The following DLGAP1 variants were observed in gnomAD, a reference collection of about 807,000 sequenced individuals.
The protein encoded by DLGAP1 is DLG associated protein 1.
Under a neutral mutation model 90.8 loss-of-function variants are expected in DLGAP1, and 11 were observed. That is an observed-to-expected ratio of 0.12 (90% CI 0.08 to 0.20). The LOEUF (loss-of-function observed/expected upper bound fraction) is 0.20. DLGAP1 is among the 10% of genes least tolerant of loss of function. DLGAP1 has a pLI of 1.00. For synonymous variants in DLGAP1, 558 were observed against 540.7 expected (o/e 1.03, Z -0.44); for missense variants, 1,050 against 1,333.8 (o/e 0.79, Z 3.31).
chr18:4,166,407 A>G (rs2076934111), intron 1 of DLGAP1, among the ~76,000 whole-genome samples: 1 of 152,148 alleles, frequency 6.6e-6, no homozygotes, highest in Non-Finnish European at 1.5e-5. Flanking sequence ...AGAAATTGGA[A>G]CCTTTGTGCA....
intron 3 of DLGAP1, among the ~76,000 whole-genome samples, chr18:3,922,107 T>C (rs377291254): frequency 5.3e-5 from 8 of 152,250 alleles, no homozygotes; most frequent in African/African-American, 1.9e-4. Context: ...CAGTAGCAAA[T>C]GCCACAAATA....
intron 1 of DLGAP1, among the ~76,000 whole-genome samples, chr18:4,277,637 T>C (rs960225616): frequency 3.3e-5 from 5 of 152,220 alleles, no homozygotes; most frequent in Admixed American, 1.3e-4. Flanking sequence ...CATTATGAAA[T>C]TGCACTTGTT....
intron 1 of DLGAP1, among the ~76,000 whole-genome samples, chr18:4,218,826 TACACACACAC>T (rs58376566): frequency 6.9e-6 from 1 of 145,730 alleles, no homozygotes; most frequent in Admixed American, 6.9e-5. Context: ...TATACATACA[TACACACACAC>T]ACACACACAC....
intron 5 of DLGAP1, among the ~76,000 whole-genome samples, chr18:3,755,234 G>C (rs1323206552): frequency 1.3e-5 from 2 of 151,948 alleles, no homozygotes; most frequent in Admixed American, 1.3e-4. Context: ...AGGCAACAAA[G>C]AGACACAGAC....
intron 1 of DLGAP1, among the ~76,000 whole-genome samples, chr18:4,225,856 G>C (rs1202312740): frequency 2.0e-5 from 3 of 151,762 alleles, no homozygotes; most frequent in Non-Finnish European, 4.4e-5. Context: ...AAAAAGGACA[G>C]AGAGAGAGAG....
intron 3 of DLGAP1, among the ~76,000 whole-genome samples, chr18:3,966,277 G>A (rs1445669027): frequency 1.3e-5 from 2 of 152,050 alleles, no homozygotes; most frequent in Non-Finnish European, 2.9e-5. Flanking sequence ...GGGTGGGGAA[G>A]TAGTAGGAGA....
intron 1 of DLGAP1, among the ~76,000 whole-genome samples, chr18:4,305,794 T>C (rs909271497): frequency 3.9e-5 from 6 of 152,096 alleles, no homozygotes; most frequent in Non-Finnish European, 5.9e-5. Flanking sequence ...TTAAATCACA[T>C]TATGATATTA....
intron 7 of DLGAP1, among the ~76,000 whole-genome samples, chr18:3,695,100 C>T (rs757060532): frequency 6.6e-6 from 1 of 151,766 alleles, no homozygotes; most frequent in Non-Finnish European, 1.5e-5. Flanking sequence ...CCATTATGCC[C>T]GGCTAATTTT....
chr18:4,265,558 C>CT (rs2051598846), intron 1 of DLGAP1, among the ~76,000 whole-genome samples: 1 of 133,680 alleles, frequency 7.5e-6, no homozygotes, highest in African/African-American at 2.9e-5. Context: ...TCCTTCCTTC[C>CT]TTCCTTTCCT....
chr18:3,662,666 A>G (rs925376583), intron 7 of DLGAP1, among the ~76,000 whole-genome samples: 1 of 152,222 alleles, frequency 6.6e-6, no homozygotes, highest in South Asian at 2.1e-4. Context: ...AAGGTGCAAC[A>G]AGAGTCTGGA....
At position 3,729,783 on chromosome 18, in the gene DLGAP1, C is replaced by G. The variant is rs1233161061; in HGVS notation, c.1351-408G>C. 6.6e-6 allele frequency among the ~76,000 whole-genome samples: 1 copy of G among 152,162 alleles called. No individual in the cohort carries two copies. The highest frequency in any genetic ancestry group is 1.5e-5 in the Non-Finnish European group (1 of 68,044). The stretch of plus-strand genomic sequence containing the variant: ...ATGTGGGGCTTATTCCAACGCATGA[C>G]ATTCTTATTTATAAAGGCAAACTTG... On this transcript the variant is annotated intron_variant, in intron 6 of 12. Transcript: ENST00000315677. The surrounding 1 kb of genome is among the most constrained non-coding windows in gnomAD (Gnocchi z 6.2).
chr18:4,269,359 T>A (rs2079207627), intron 1 of DLGAP1, among the ~76,000 whole-genome samples: 2 of 128,524 alleles, frequency 1.6e-5, no homozygotes, highest in African/African-American at 4.2e-5. Context: ...TATATATTTT[T>A]TTTTTTCTTT....
At position 3,879,389 on chromosome 18, in the gene DLGAP1, C is replaced by A; in HGVS notation, c.680G>T (p.Cys227Phe). ...APSGVMTMGRCPDRSASQYFL... is the reference protein window; with the variant it reads ...APSGVMTMGRFPDRSASQYFL... ...GTACTGTGAGGCCGAGCGGTCGGGGCACCTGCCCATGGTCATCACGCCCGA... is the reference window on the plus strand; with the variant it reads ...GTACTGTGAGGCCGAGCGGTCGGGGAACCTGCCCATGGTCATCACGCCCGA... The change falls in exon 4 of 13, where the codon TGC (cysteine) becomes TTC (phenylalanine). Residue 227 changes from cysteine to phenylalanine, a missense_variant. Physicochemically the swap from Cys to Phe is radical, Grantham distance 205. This residue lies in a region of DLGAP1 where 485 missense variants were observed against 454.1 expected (regional missense o/e 1.07). Transcript: ENST00000315677. This position sits in a 1 kb window ranked among gnomAD's most constrained non-coding sequence, Gnocchi z 6.6. 1 of 1,613,196 alleles carries A rather than the reference C, an allele frequency of 6.2e-7. No homozygotes were observed. Among genetic ancestry groups the A allele is most frequent in the African/African-American group, 1.3e-5 (1 of 75,070 alleles).
At chr18:3,607,591 A>C (rs2145846247) in intron 7 of DLGAP1, 1 of 152,336 alleles carries the variant, frequency 6.6e-6, no homozygotes, top group East Asian at 1.9e-4. Context: ...GCAGCCAAAT[A>C]TTGGCCGGTA....
intron 1 of DLGAP1, among the ~76,000 whole-genome samples, chr18:4,385,457 A>T (rs544906223): frequency 2.6e-4 from 39 of 151,526 alleles, no homozygotes; most frequent in East Asian, 5.8e-4. Context: ...TTACATCATC[A>T]CAATACTTTC....
At chr18:4,045,687 A>G (rs2075043176) in intron 2 of DLGAP1, among the ~76,000 whole-genome samples, 1 of 151,570 alleles carries the variant, frequency 6.6e-6, no homozygotes, top group South Asian at 2.1e-4. Context: ...TTTAATTAAT[A>G]GAGTAATATA....
At chr18:3,505,132 G>GATCTAAGCAGTGCCGCC (rs1555657987) in intron 11 of DLGAP1, among the ~76,000 whole-genome samples, 1 of 151,908 alleles carries the variant, frequency 6.6e-6, no homozygotes, top group Non-Finnish European at 1.5e-5. Flanking sequence ...TGCAGCTGTG[G>GATCTAAGCAGTGCCGCC]ACCAGGCCAC....
At chr18:4,426,507 G>T (rs543871550) in intron 1 of DLGAP1, among the ~76,000 whole-genome samples, 1 of 152,316 alleles carries the variant, frequency 6.6e-6, no homozygotes, top group South Asian at 2.1e-4. Context: ...ATATTGATAA[G>T]GAGGTAGAGA....
intron 3 of DLGAP1, among the ~76,000 whole-genome samples, chr18:3,880,957 A>AG (rs1349990835): frequency 1.3e-5 from 2 of 150,740 alleles, no homozygotes; most frequent in Non-Finnish European, 3.0e-5. Flanking sequence ...AAAAAAAAAA[A>AG]AAAAAAAAAA....
Sources: gnomAD v4.1 joint callset for allele counts (sites outside exome capture counted in the v4.1 genomes callset) on GRCh38, gnomAD v4.1.1 for gene constraint, gnomAD v4.1.1 regional missense constraint, Gnocchi (gnomAD v3.1) non-coding constraint, MANE v1.5 for transcripts, NCBI Gene and HGNC (gene_info 2026-07-23, HGNC 2026-07-21) for gene names.